The following NCKAP5 variants were observed in gnomAD, a reference collection of about 807,000 sequenced individuals.
NCKAP5 encodes NCK associated protein 5.
A neutral mutation model predicts 167.0 loss-of-function variants in NCKAP5; 92 were observed. That is an observed-to-expected ratio of 0.55 (90% CI 0.47 to 0.66). The LOEUF (loss-of-function observed/expected upper bound fraction) is 0.66, where lower values mean the gene tolerates loss of function less well. NCKAP5 is among the 30% of genes least tolerant of loss of function. The pLI is 0.00. For synonymous variants in NCKAP5, 891 were observed against 877.4 expected, an observed-to-expected ratio of 1.02 and a Z score of -0.27; for missense variants, 2,378 against 2,315.0, an observed-to-expected ratio of 1.03 and a Z score of -0.56.
intron 3 of NCKAP5, among the ~76,000 whole-genome samples, chr2:133,370,080 C>A (rs1021153282): frequency 6.6e-6 from 1 of 151,986 alleles, no homozygotes; most frequent in African/African-American, 2.4e-5. Flanking sequence ...CACTGGAGAC[C>A]CTGATGAAAT....
intron 6 of NCKAP5, among the ~76,000 whole-genome samples, chr2:133,108,346 T>C (rs2081789584): frequency 6.6e-6 from 1 of 152,162 alleles, no homozygotes; most frequent in Admixed American, 6.5e-5. Flanking sequence ...ATAGCACCTC[T>C]CTTTTTAATA....
chr2:132,707,731 T>C (rs1199606398), intron 19 of NCKAP5, among the ~76,000 whole-genome samples: 2 of 152,190 alleles, frequency 1.3e-5, no homozygotes, highest in Admixed American at 1.3e-4. Flanking sequence ...ATAGTGAACA[T>C]GAGGGTGAGC....
At chr2:133,142,188 T>G (rs1348943813) in intron 5 of NCKAP5, among the ~76,000 whole-genome samples, 1 of 152,148 alleles carries the variant, frequency 6.6e-6, no homozygotes, top group Admixed American at 6.6e-5. Context: ...AGAGGGCCTC[T>G]TTTGAAAGTA....
chr2:133,188,914 C>T (rs568061533), intron 5 of NCKAP5, among the ~76,000 whole-genome samples: 21 of 151,824 alleles, frequency 1.4e-4, no homozygotes, highest in East Asian at 9.7e-4. Context: ...AGCTAGCAGA[C>T]GGCAAGTAAT....
chr2:132,758,907 T>C (rs575043807), intron 16 of NCKAP5, among the ~76,000 whole-genome samples: 19 of 152,346 alleles, frequency 1.2e-4, no homozygotes, highest in African/African-American at 4.6e-4. Context: ...ATCATCAGCA[T>C]AACCCATCCT....
At chr2:133,669,800 C>G in the NCKAP5 span, among the ~76,000 whole-genome samples, 1 of 152,204 alleles carries the variant, frequency 6.6e-6, no homozygotes, top group Admixed American at 6.5e-5. Context: ...TCTTTATACT[C>G]TTCATCCCTG....
At chr2:132,866,102 G>A (rs576209320) in intron 10 of NCKAP5, among the ~76,000 whole-genome samples, 2 of 152,252 alleles carry the variant, frequency 1.3e-5, no homozygotes, top group East Asian at 3.9e-4. Flanking sequence ...ATTCCATGTC[G>A]GTGAAGAAAA....
intron 3 of NCKAP5, among the ~76,000 whole-genome samples, chr2:133,505,858 T>C (rs1682957543): frequency 6.6e-6 from 1 of 152,248 alleles, no homozygotes; most frequent in African/African-American, 2.4e-5. Flanking sequence ...TTTTGGAGTT[T>C]AGCAGATAGG....
chr2:133,400,232 T>C (rs1280464686), intron 3 of NCKAP5, among the ~76,000 whole-genome samples: 2 of 152,002 alleles, frequency 1.3e-5, no homozygotes, highest in East Asian at 1.9e-4. Context: ...CAGAGCAACA[T>C]CTGAAGTTTA....
At chr2:133,198,502 G>A (rs2085535772) in intron 5 of NCKAP5, among the ~76,000 whole-genome samples, 1 of 152,048 alleles carries the variant, frequency 6.6e-6, no homozygotes. Context: ...GTTCTGAAAG[G>A]AAGAAACTAC....
intron 2 of NCKAP5, among the ~76,000 whole-genome samples, chr2:133,557,742 A>G (rs1687843409): frequency 6.6e-6 from 1 of 152,234 alleles, no homozygotes; most frequent in Non-Finnish European, 1.5e-5. Context: ...ATCCTTTAAC[A>G]TCTGTTGTGA....
intron 3 of NCKAP5, among the ~76,000 whole-genome samples, chr2:133,350,847 CT>C (rs759699348): frequency 1.3e-5 from 2 of 152,056 alleles, no homozygotes; most frequent in Non-Finnish European, 2.9e-5. Context: ...GTTGTCTCCG[CT>C]TGGAGTGAAT....
chr2:132,733,378 C>A (rs1277603545), intron 16 of NCKAP5, among the ~76,000 whole-genome samples: 1 of 152,202 alleles, frequency 6.6e-6, no homozygotes, highest in East Asian at 1.9e-4. Context: ...AAAAGCTCAA[C>A]AGCTACCACT....
At position 133,369,223 on chromosome 2, in the gene NCKAP5, G is replaced by A. The variant is rs572539083; in HGVS notation, c.70-66113C>T. On this transcript the variant is annotated intron_variant, in intron 3 of 19. Transcript: ENST00000409261. Reference sequence around the variant, plus strand: ...TGCATGAATGTTCCAGAAGTGGCATGTAGGGTGGATAGGCAGGTGAGGATG... The same window carrying A: ...TGCATGAATGTTCCAGAAGTGGCATATAGGGTGGATAGGCAGGTGAGGATG... Among the ~76,000 whole-genome samples the A allele has an allele frequency of 2.0e-5, 3 of 152,350 alleles. No homozygotes were observed. The East Asian group carries it at 5.8e-4, about 29-fold the overall frequency.
intron 5 of NCKAP5, among the ~76,000 whole-genome samples, chr2:133,139,930 C>T (rs989446544): frequency 6.6e-6 from 1 of 152,156 alleles, no homozygotes; most frequent in African/African-American, 2.4e-5. Flanking sequence ...CAATAGTCAA[C>T]TGCCTAATTC....
At chr2:133,111,250 T>C (rs577459955) in intron 6 of NCKAP5, among the ~76,000 whole-genome samples, 1 of 152,294 alleles carries the variant, frequency 6.6e-6, no homozygotes, top group South Asian at 2.1e-4. Context: ...ATTATTACTG[T>C]AGACAAAGAA....
At chr2:132,718,719 A>C (rs1269145921) in intron 19 of NCKAP5, among the ~76,000 whole-genome samples, 2 of 152,226 alleles carry the variant, frequency 1.3e-5, no homozygotes, top group Non-Finnish European at 2.9e-5. Flanking sequence ...AAATGTATGC[A>C]TAAGGGGCTA....
At position 132,783,073 on chromosome 2, in the gene NCKAP5, T is replaced by C. The variant is rs527691072; in HGVS notation, c.3738A>G (p.Val1246=). 6.2e-7 allele frequency: 1 copy of C among 1,613,886 alleles called. No individual in the cohort carries two copies. Among genetic ancestry groups the C allele is most frequent in the Admixed American group, 1.7e-5 (1 of 60,004 alleles). ...GGGATCTTCTCATGGATCTATTATC[T>C]ACCCCATCCCTTCCATCACTCCCAG... ...SIPGSDGRDG[V]DNRSMRRSLS... Residue 1246 remains valine, a synonymous_variant, in exon 14 of 20, where the codon GTA becomes GTG. Coordinates refer to ENST00000409261, the MANE Select transcript of NCKAP5 (RefSeq NM_207363.3).
At chr2:133,583,741 C>T in the NCKAP5 span, among the ~76,000 whole-genome samples, 2 of 152,092 alleles carry the variant, frequency 1.3e-5, no homozygotes, top group African/African-American at 4.8e-5. Context: ...ATGAAAATGG[C>T]ATGATATAAA....
Sources: allele counts gnomAD v4.1 joint callset (sites outside exome capture counted in the v4.1 genomes callset), GRCh38; gene constraint gnomAD v4.1.1; transcripts MANE v1.5; gene names NCBI Gene and HGNC (gene_info 2026-07-23, HGNC 2026-07-21).